The following ROBO2 variants were observed in gnomAD, a reference collection of about 807,000 sequenced individuals.
The protein encoded by ROBO2 is roundabout homolog 2.
A neutral mutation model predicts 160.8 loss-of-function variants in ROBO2; 53 were observed. The observed-to-expected ratio is 0.33, with a 90% CI of 0.26 to 0.41. The LOEUF (loss-of-function observed/expected upper bound fraction) is 0.41. Ranked by LOEUF, ROBO2 falls within the 10% of genes least tolerant of loss-of-function variation. The pLI, the probability that ROBO2 is intolerant of heterozygous loss-of-function variation, is 1.00. For synonymous variants in ROBO2, 664 were observed against 611.7 expected, an observed-to-expected ratio of 1.09 and a Z score of -1.26; for missense variants, 1,577 against 1,722.4, an observed-to-expected ratio of 0.92 and a Z score of 1.49.
At chr3:77,039,582 C>T (rs1343809603), upstream of ROBO2, among the ~76,000 whole-genome samples, 5 of 152,144 alleles carry the variant, frequency 3.3e-5, no homozygotes, top group East Asian at 5.8e-4. Flanking sequence ...GGGAAGGAGT[C>T]GCCCGGTGGC....
intron 2 of ROBO2, among the ~76,000 whole-genome samples, chr3:76,640,529 G>A (rs1359469150): frequency 1.7e-5 from 2 of 115,050 alleles, no homozygotes; most frequent in East Asian, 2.8e-4. Context: ...GTGAAGCTCC[G>A]TCTCAAAAAT....
Position 76,693,603 on chromosome 3 carries a change from C to T in ROBO2, c.110-404411C>T, listed in dbSNP as rs752575357. Reference sequence around the variant, plus strand: ...GGCTATCTGCAAACTGGAGTACCAGCGAAGCCATGACATAGCGCAGTCCAA... The same window carrying T: ...GGCTATCTGCAAACTGGAGTACCAGTGAAGCCATGACATAGCGCAGTCCAA... On this transcript the variant is annotated intron_variant, in intron 2 of 26. Coordinates refer to the ROBO2 transcript ENST00000487694. Among the ~76,000 whole-genome samples, 7 of 151,920 alleles carry T rather than the reference C, an allele frequency of 4.6e-5. No individual in the cohort carries two copies. The South Asian group carries it at 1.0e-3, about 23-fold the overall frequency.
chr3:77,169,201 G>T (rs1230967329), intron 2 of ROBO2, among the ~76,000 whole-genome samples: 2 of 152,138 alleles, frequency 1.3e-5, no homozygotes, highest in Non-Finnish European at 2.9e-5. Flanking sequence ...AAGTCAATAG[G>T]CTGTTACAGA....
chr3:77,177,408 C>T (rs1426082096), intron 2 of ROBO2, among the ~76,000 whole-genome samples: 2 of 151,928 alleles, frequency 1.3e-5, no homozygotes, highest in Non-Finnish European at 2.9e-5. Flanking sequence ...GGGATATCAA[C>T]ATCCATGGAG....
At chr3:77,388,475 G>A (rs199861864) in intron 2 of ROBO2, among the ~76,000 whole-genome samples, 1 of 151,914 alleles carries the variant, frequency 6.6e-6, no homozygotes, top group South Asian at 2.1e-4. Flanking sequence ...TGTTCTTCTC[G>A]CTCCTTCTCT....
At chr3:76,272,676 T>G (rs1274425241) in intron 2 of ROBO2, among the ~76,000 whole-genome samples, 3 of 62,198 alleles carry the variant, frequency 4.8e-5, no homozygotes, top group Non-Finnish European at 1.3e-4. Flanking sequence ...TACATACACA[T>G]ATAAATATAT....
intron 2 of ROBO2, among the ~76,000 whole-genome samples, chr3:76,028,615 A>T (rs565322568): frequency 6.6e-6 from 1 of 151,922 alleles, no homozygotes; most frequent in Non-Finnish European, 1.5e-5. Context: ...GGAAAATGCA[A>T]TATAGAAAAA....
At chr3:77,203,590 G>T in intron 2 of ROBO2, among the ~76,000 whole-genome samples, 1 of 152,136 alleles carries the variant, frequency 6.6e-6, no homozygotes. Flanking sequence ...AATCAGACTT[G>T]TCTTTTTCAA....
chr3:76,923,855 C>T (rs2076818405), intron 2 of ROBO2, among the ~76,000 whole-genome samples: 1 of 152,212 alleles, frequency 6.6e-6, no homozygotes, highest in South Asian at 2.1e-4. Context: ...TGAAGAAATA[C>T]TATAGCATGA....
chr3:76,694,820 C>T (rs564825840), intron 2 of ROBO2, among the ~76,000 whole-genome samples: 1 of 151,994 alleles, frequency 6.6e-6, no homozygotes, highest in Non-Finnish European at 1.5e-5. Context: ...TATTATGATA[C>T]CTTAGTTTTA....
intron 23 of ROBO2, among the ~76,000 whole-genome samples, chr3:77,628,302 C>T (rs1446451852): frequency 6.6e-6 from 1 of 152,042 alleles, no homozygotes; most frequent in African/African-American, 2.4e-5. Context: ...ATTGGTTTTA[C>T]CTGGTGTTCA....
chr3:76,865,892 G>A (rs1046897118), intron 2 of ROBO2, among the ~76,000 whole-genome samples: 1 of 152,028 alleles, frequency 6.6e-6, no homozygotes, highest in Non-Finnish European at 1.5e-5. Context: ...ATCAATTATA[G>A]CTACCTTGTA....
At chr3:76,005,607 T>C (rs2065998788) in intron 2 of ROBO2, among the ~76,000 whole-genome samples, 1 of 152,196 alleles carries the variant, frequency 6.6e-6, no homozygotes, top group Non-Finnish European at 1.5e-5. Flanking sequence ...ACCTACAGAA[T>C]CTGTGCACAC....
chr3:76,057,109 C>CTGTGTG (rs2067874904), intron 2 of ROBO2, among the ~76,000 whole-genome samples: 1 of 152,130 alleles, frequency 6.6e-6, no homozygotes, highest in East Asian at 1.9e-4. Flanking sequence ...GATTCCCTTC[C>CTGTGTG]TGTGTGTGTA....
At chr3:77,293,395 C>G (rs1206729467) in intron 2 of ROBO2, among the ~76,000 whole-genome samples, 2 of 148,320 alleles carry the variant, frequency 1.3e-5, no homozygotes, top group African/African-American at 2.5e-5. Flanking sequence ...TCACCCCAGA[C>G]ATAAAGTAAA....
intron 2 of ROBO2, among the ~76,000 whole-genome samples, chr3:76,630,045 T>C (rs576261010): frequency 2.2e-4 from 33 of 152,334 alleles, no homozygotes; most frequent in African/African-American, 6.5e-4. Context: ...CCTCCCCGCT[T>C]GGCTGACTTT....
intron 6 of ROBO2, among the ~76,000 whole-genome samples, chr3:77,523,395 T>C (rs966161587): frequency 6.6e-6 from 1 of 151,310 alleles, no homozygotes; most frequent in African/African-American, 2.4e-5. Flanking sequence ...ACAGAGGAGC[T>C]CTCCAGCCTT....
intron 2 of ROBO2, among the ~76,000 whole-genome samples, chr3:76,086,299 C>A (rs2069009852): frequency 6.6e-6 from 1 of 152,076 alleles, no homozygotes; most frequent in Non-Finnish European, 1.5e-5. Context: ...TCGCCCACTA[C>A]CATGAGAACA....
chr3:77,614,731 AACCAAC>A (rs1559731283), intron 21 of ROBO2, among the ~76,000 whole-genome samples: 11 of 150,192 alleles, frequency 7.3e-5, no homozygotes, highest in African/African-American at 2.4e-4. Flanking sequence ...AAAACCAACC[AACCAAC>A]CAACCAACCA....
Sources: allele counts gnomAD v4.1 joint callset (sites outside exome capture counted in the v4.1 genomes callset), GRCh38; gene constraint gnomAD v4.1.1; transcripts MANE v1.5; gene names NCBI Gene and HGNC (gene_info 2026-07-23, HGNC 2026-07-21).